The following KIAA1671 variants were observed in gnomAD, a reference collection of about 807,000 sequenced individuals.
KIAA1671 encodes uncharacterized protein KIAA1671.
A neutral mutation model predicts 131.2 loss-of-function variants in KIAA1671; 52 were observed. The observed-to-expected ratio is 0.40, with a 90% CI of 0.32 to 0.50. The LOEUF (loss-of-function observed/expected upper bound fraction) is 0.50. KIAA1671 is among the 20% of genes least tolerant of loss of function. KIAA1671 has a pLI of 0.73. For synonymous variants in KIAA1671, 1,003 were observed against 961.6 expected (o/e 1.04, Z -0.80); for missense variants, 2,360 against 2,364.2 (o/e 1.00, Z 0.04).
At chr22:25,192,008 T>G (rs1274245731) in intron 12 of KIAA1671, among the ~76,000 whole-genome samples, 1 of 152,188 alleles carries the variant, frequency 6.6e-6, no homozygotes, top group East Asian at 1.9e-4. Flanking sequence ...GATGCATGTG[T>G]GTATGTATAA....
At chr22:25,168,590 G>A (rs752877085) in intron 6 of KIAA1671, among the ~76,000 whole-genome samples, 14 of 152,186 alleles carry the variant, frequency 9.2e-5, no homozygotes. Context: ...CTACTAAGGA[G>A]GCTGAGGCAA....
intron 6 of KIAA1671, chr22:25,052,609 C>G (rs1271423979): frequency 6.6e-6 from 1 of 152,140 alleles, no homozygotes; most frequent in East Asian, 1.9e-4. Context: ...TTCCACTCGT[C>G]TTACGTGGTA....
In KIAA1671 at chr22:25,040,469, G is replaced by T; in HGVS notation, c.3339G>T (p.Gly1113=). ...CAACAGACCGTCCATCATCTCTTGG[G>T]GCCTGGAGTCTGGACCCTTTCAATG... ...LKPTDRPSSL[G]AWSLDPFNGR... The change falls in exon 5 of 13, where the codon GGG becomes GGT. Residue 1113 remains glycine (G), a synonymous_variant. Transcript: ENST00000358431. 1.3e-6 allele frequency: 2 copies of T among 1,551,974 alleles called. No homozygotes were observed. Among genetic ancestry groups the T allele is most frequent in the South Asian group, 1.2e-5 (1 of 84,052 alleles).
At chr22:25,000,207 T>TCGATGTTGTTGTTGTTG (rs1569202495) in intron 1 of KIAA1671, among the ~76,000 whole-genome samples, 4 of 83,226 alleles carry the variant, frequency 4.8e-5, no homozygotes, top group Admixed American at 1.2e-4. Flanking sequence ...TTTTTTTTTT[T>TCGATGTTGTTGTTGTTG]TTTTGAGACG....
At chr22:25,127,350 G>T (rs1932230512) in intron 6 of KIAA1671, among the ~76,000 whole-genome samples, 1 of 152,152 alleles carries the variant, frequency 6.6e-6, no homozygotes, top group African/African-American at 2.4e-5. Context: ...CGTGGCACAG[G>T]CTCCACTGGT....
At chr22:25,007,224 A>G (rs1045597676) in intron 1 of KIAA1671, among the ~76,000 whole-genome samples, 9 of 152,190 alleles carry the variant, frequency 5.9e-5, no homozygotes, top group Admixed American at 5.9e-4. Flanking sequence ...GCGGTGGCTC[A>G]CGTCTGTAAT....
At chr22:24,985,404 AT>A (rs977819587) in intron 1 of KIAA1671, among the ~76,000 whole-genome samples, 3 of 149,706 alleles carry the variant, frequency 2.0e-5, no homozygotes, top group Non-Finnish European at 3.0e-5. Context: ...CAGTGGTGCG[AT>A]CTCGGCTCAC....
Position 25,088,899 on chromosome 22 carries a change from C to T in KIAA1671, c.4530+39535C>T, listed in dbSNP as rs185930290. The stretch of plus-strand genomic sequence containing the variant: ...ATGTACACACACACACACACGTGCA[C>T]GCACACATGCACAATTTGCCCTTTG... On this transcript the variant is annotated intron_variant, in intron 6 of 12. Transcript: ENST00000358431. Among the ~76,000 whole-genome samples the T allele has an allele frequency of 5.9e-5, 9 of 152,260 alleles. No individual in the cohort carries two copies. The East Asian group carries it at 9.7e-4, about 16-fold the overall frequency.
At chr22:25,143,454 G>C (rs1317473481) in intron 6 of KIAA1671, among the ~76,000 whole-genome samples, 1 of 152,206 alleles carries the variant, frequency 6.6e-6, no homozygotes, top group Non-Finnish European at 1.5e-5. Flanking sequence ...AAATGAATTC[G>C]TATAAAATAA....
At chr22:25,000,845 T>C (rs904484875) in intron 1 of KIAA1671, among the ~76,000 whole-genome samples, 2 of 151,706 alleles carry the variant, frequency 1.3e-5, no homozygotes, top group African/African-American at 4.8e-5. Context: ...AGACAGGTTC[T>C]TGCCATGTTT....
intron 6 of KIAA1671, among the ~76,000 whole-genome samples, chr22:25,099,572 T>G (rs1444237756): frequency 7.3e-5 from 8 of 109,976 alleles, no homozygotes; most frequent in African/African-American, 2.0e-4. Flanking sequence ...TTTTTTTTTT[T>G]TAGATAGAGT....
At chr22:25,140,015 G>C (rs1270222011) in intron 6 of KIAA1671, among the ~76,000 whole-genome samples, 2 of 152,224 alleles carry the variant, frequency 1.3e-5, no homozygotes, top group Non-Finnish European at 2.9e-5. Context: ...CACAAACTTA[G>C]TGACTTAAAA....
At chr22:24,984,805 T>C (rs1416381087) in intron 1 of KIAA1671, among the ~76,000 whole-genome samples, 1 of 150,052 alleles carries the variant, frequency 6.7e-6, no homozygotes, top group African/African-American at 2.5e-5. Context: ...CCCCAGCTAC[T>C]CGGGAAGCTG....
chr22:25,000,029 T>C (rs5760787), intron 1 of KIAA1671, among the ~76,000 whole-genome samples: 148,071 of 151,790 alleles, frequency 0.98, 72,236 homozygotes, highest in East Asian at 1. Context: ...GGTCTATAGG[T>C]GCCTGCCACC....
At chr22:24,976,043 G>A (rs1044938325) in intron 1 of KIAA1671, among the ~76,000 whole-genome samples, 4 of 152,364 alleles carry the variant, frequency 2.6e-5, no homozygotes, top group South Asian at 4.1e-4. Flanking sequence ...ACTGGGAACC[G>A]AGTGAGTTTG....
Position 25,040,400 on chromosome 22 carries a change from G to C in KIAA1671, c.3270G>C (p.Lys1090Asn), listed in dbSNP as rs1463933906. ...LEMAGSKNWM[K>N]GREHENASIL... ...TGGCAGGCAGTAAAAACTGGATGAAGGGACGAGAGCATGAAAATGCAAGCA... is the reference window on the plus strand; with the variant it reads ...TGGCAGGCAGTAAAAACTGGATGAACGGACGAGAGCATGAAAATGCAAGCA... The change falls in exon 5 of 13, where the codon AAG becomes AAC. Residue 1090 changes from lysine to asparagine, a missense_variant. Transcript: ENST00000358431. The C allele has an allele frequency of 4.5e-6, 7 of 1,551,858 alleles. No individual in the cohort carries two copies. The African/African-American group carries it at 9.6e-5, about 21-fold the overall frequency.
intron 6 of KIAA1671, among the ~76,000 whole-genome samples, chr22:25,093,866 C>CTCTG (rs1568951751): frequency 2.2e-5 from 3 of 135,770 alleles, no homozygotes; most frequent in Admixed American, 7.4e-5. Context: ...CTCTCTCTCT[C>CTCTG]TCTCTCTCTC....
In KIAA1671 at chr22:25,041,530, G is replaced by A; in HGVS notation, c.4395+5G>A. The A allele has an allele frequency of 2.0e-6, 3 of 1,515,678 alleles. No individual in the cohort carries two copies. The highest frequency in any genetic ancestry group is 2.5e-5 in the East Asian group (1 of 40,528). 93.9% of individuals were successfully genotyped at this position (1,515,678 alleles called of 1,614,324 possible). On this transcript the variant is annotated splice_donor_5th_base_variant and intron_variant, in intron 5 of 12. Transcript: ENST00000358431. Reference sequence around the variant, plus strand: ...GGGACTGGAGACAGTCACAAGGTAAGTACCGAGACACTTTTTAATTTTGTC... The same window carrying A: ...GGGACTGGAGACAGTCACAAGGTAAATACCGAGACACTTTTTAATTTTGTC...
At chr22:25,022,814 T>A (rs1366909386) in intron 1 of KIAA1671, 1 of 152,390 alleles carries the variant, frequency 6.6e-6, no homozygotes, top group Non-Finnish European at 1.5e-5. Context: ...TACATACATA[T>A]GAAACTAGAG....
Sources: gnomAD v4.1 joint callset for allele counts (sites outside exome capture counted in the v4.1 genomes callset) on GRCh38, gnomAD v4.1.1 for gene constraint, MANE v1.5 for transcripts, NCBI Gene and HGNC (gene_info 2026-07-23, HGNC 2026-07-21) for gene names.